The following TCF3 variants were observed in gnomAD, a reference collection of about 807,000 sequenced individuals.
TCF3 encodes transcription factor 3, also known as transcription factor E2-alpha.
In TCF3, 54 loss-of-function variants were observed where a neutral mutation model predicts 72.3. The observed-to-expected ratio is 0.75, with a 90% CI of 0.60 to 0.94. TCF3 has a LOEUF of 0.94. TCF3 is among the 40% of genes least tolerant of loss of function. The pLI, the probability that TCF3 is intolerant of heterozygous loss-of-function variation, is 0.00. For missense variants in TCF3, 1,078 were observed against 934.4 expected (o/e 1.15, Z -2.00); for synonymous variants, 525 against 412.6 (o/e 1.27, Z -3.30).
chr19:1,641,939 C>G (rs1432554321), intron 3 of TCF3, among the ~76,000 whole-genome samples: 4 of 151,792 alleles, frequency 2.6e-5, no homozygotes, highest in Non-Finnish European at 5.9e-5. Context: ...CAGCTGCTCA[C>G]AAGGCTGAGG....
intron 1 of TCF3, among the ~76,000 whole-genome samples, chr19:1,651,794 C>G: frequency 6.6e-6 from 1 of 151,752 alleles, no homozygotes; most frequent in Non-Finnish European, 1.5e-5. Context: ...AGATGTTACC[C>G]GCGCGCCCCC....
rs1488005407 is a variant in TCF3 at position 1,612,368 on chromosome 19, T to C, written c.1823-519A>G. On this transcript the variant is annotated intron_variant, in intron 18 of 18. Coordinates refer to ENST00000262965, the MANE Select transcript of TCF3 (RefSeq NM_003200.5). The stretch of plus-strand genomic sequence containing the variant: ...CACGCGCACCCGCTCCCGCGCGTTA[T>C]TGGCCATGCGCCTCTCCCGGTCCCT... The C allele has an allele frequency of 2.5e-6, 4 of 1,613,846 alleles. No homozygotes were observed. The South Asian group carries it at 4.4e-5, about 18-fold the overall frequency.
In TCF3 at chr19:1,622,519, C is replaced by T. The variant is rs976283656; in HGVS notation, c.550-104G>A. 6 of 611,396 alleles carry T rather than the reference C, an allele frequency of 9.8e-6. No individual in the cohort carries two copies. In the East Asian group the frequency reaches 1.9e-4, roughly 19 times the overall value. 37.9% of individuals were successfully genotyped at this position (611,396 alleles called of 1,614,324 possible). A position where few individuals can be genotyped will look rare whatever the true frequency, so the allele number is the denominator to read the frequency against. On this transcript the variant is annotated intron_variant, in intron 8 of 18. Coordinates refer to ENST00000262965, the MANE Select transcript of TCF3 (RefSeq NM_003200.5). Reference sequence around the variant, plus strand: ...TCCCCTCCTGGTAGCACATCTACCACCCCGTTTCCCTTCCCTGTAAAGCCA... The same window carrying T: ...TCCCCTCCTGGTAGCACATCTACCATCCCGTTTCCCTTCCCTGTAAAGCCA...
chr19:1,646,074 C>A (rs900087142), intron 3 of TCF3, among the ~76,000 whole-genome samples: 1 of 152,090 alleles, frequency 6.6e-6, no homozygotes, highest in Non-Finnish European at 1.5e-5. Context: ...TCCAACCCTG[C>A]GCCTAAAAAC....
At chr19:1,647,302 C>G in intron 2 of TCF3, among the ~76,000 whole-genome samples, 1 of 152,352 alleles carries the variant, frequency 6.6e-6, no homozygotes, top group Non-Finnish European at 1.5e-5. Flanking sequence ...CCCCAAGGGG[C>G]TGCGTTTTAA....
At chr19:1,632,505 G>A (rs1417668149) in intron 3 of TCF3, 100 bp from the exon 4 acceptor site, 14 of 1,315,628 alleles carry the variant, frequency 1.1e-5, no homozygotes, top group South Asian at 2.7e-5. Context: ...TGGACCCGGG[G>A]GGCTTGTGGA....
chr19:1,632,161 GCCCCCCCTCCA>G, intron 4 of TCF3, 45 bp from the exon 5 acceptor site: 8 of 1,595,180 alleles, frequency 5.0e-6, no homozygotes, highest in Non-Finnish European at 6.8e-6. Context: ...GGCTTCACAG[GCCCCCCCTCCA>G]CCCCGCATTA....
chr19:1,630,147 C>G (rs10427044), intron 5 of TCF3, among the ~76,000 whole-genome samples: 421 of 152,308 alleles, frequency 2.8e-3, no homozygotes, highest in African/African-American at 9.6e-3. Context: ...GAACTGCCCA[C>G]GTCAGCCCTG....
chr19:1,625,808 G>A (rs772615331), intron 6 of TCF3, 100 bp from the exon 7 acceptor site: 20 of 1,353,336 alleles, frequency 1.5e-5, no homozygotes, highest in African/African-American at 4.6e-5. Context: ...ACTCAGACCC[G>A]CCCTGCAGTG....
chr19:1,631,664 T>G lies in TCF3; in HGVS notation c.298+374A>C, dbSNP rs891874811. On this transcript the variant is annotated intron_variant, in intron 5 of 18. Transcript: ENST00000262965. Reference sequence around the variant, plus strand: ...GGCATGGGCTCTGACCACCGCACACTCTGGCCGCCCTCCCGAGTCTCCAGA... The same window carrying G: ...GGCATGGGCTCTGACCACCGCACACGCTGGCCGCCCTCCCGAGTCTCCAGA... Among the ~76,000 whole-genome samples the G allele has an allele frequency of 2.6e-5, 4 of 152,168 alleles. No homozygotes were observed. In the South Asian group the frequency reaches 8.3e-4, roughly 32 times the overall value.
chr19:1,642,157 C>CGCACGCGT (rs1476439471), intron 3 of TCF3, among the ~76,000 whole-genome samples: 15 of 151,690 alleles, frequency 9.9e-5, no homozygotes, highest in Non-Finnish European at 1.6e-4. Context: ...CACACACACA[C>CGCACGCGT]ACACACACGC....
chr19:1,618,968 A>G (rs2061848823), intron 16 of TCF3, 143 bp downstream of exon 16: 5 of 1,371,924 alleles, frequency 3.6e-6, no homozygotes, highest in Admixed American at 2.2e-5. Context: ...ACCCTCCTGA[A>G]GTTGCTGACT....
At position 1,609,763 on chromosome 19, in the gene TCF3, T is replaced by C. The variant is rs1026870806; in HGVS notation, c.*1944A>G. The C allele has an allele frequency of 4.4e-6, 1 of 229,602 alleles. No individual in the cohort carries two copies. Among genetic ancestry groups the C allele is most frequent in the East Asian group, 6.2e-5 (1 of 16,166 alleles). 14.2% of individuals were successfully genotyped at this position (229,602 alleles called of 1,614,324 possible). A position where few individuals can be genotyped will look rare whatever the true frequency, so the allele number is the denominator to read the frequency against. ...GCAGATACCAGGCATTGAGCTGGCCTTGAGGTTTCCCTTGCATCTACCATG... is the reference window on the plus strand; with the variant it reads ...GCAGATACCAGGCATTGAGCTGGCCCTGAGGTTTCCCTTGCATCTACCATG... On this transcript the variant is annotated 3_prime_UTR_variant, in exon 19 of 19. Coordinates refer to ENST00000262965, the MANE Select transcript of TCF3 (RefSeq NM_003200.5).
intron 8 of TCF3, among the ~76,000 whole-genome samples, chr19:1,622,908 G>A (rs2062421921): frequency 6.6e-6 from 1 of 152,186 alleles, no homozygotes; most frequent in South Asian, 2.1e-4. Context: ...GGCACTGCCT[G>A]GACTGTGGGG....
intron 11 of TCF3, 144 bp from the exon 12 acceptor site, chr19:1,621,335 C>T: frequency 6.8e-6 from 7 of 1,034,702 alleles, no homozygotes; most frequent in Non-Finnish European, 9.6e-6. Context: ...TGTCTGACCC[C>T]CTGAAACCAG....
At chr19:1,633,281 T>C (rs1357105066) in intron 3 of TCF3, among the ~76,000 whole-genome samples, 1 of 152,192 alleles carries the variant, frequency 6.6e-6, no homozygotes, top group Non-Finnish European at 1.5e-5. Flanking sequence ...GTTGCTGCCC[T>C]GCCTTGGTTT....
In TCF3 at chr19:1,619,206, A is replaced by C; in HGVS notation, c.1355T>G (p.Leu452Arg). The change falls in exon 16 of 19, where the codon CTC becomes CGC. Residue 452 changes from leucine (L) to arginine (R), a missense_variant. Physicochemically the swap from Leu to Arg is moderately radical, Grantham distance 102. Transcript: ENST00000262965. ...LVGGSHPEDG[L>R]AGSTSLMHNH... ...GTGCATGAGGCTGGTGCTGCCTGCG[A>C]GGCCGTCCTCGGGGTGGCTGCCTCC... 1 of 1,598,976 alleles carries C rather than the reference A, an allele frequency of 6.3e-7. No homozygotes were observed. The highest frequency in any genetic ancestry group is 1.3e-5 in the African/African-American group (1 of 74,998).
At chr19:1,630,346 C>T (rs780179945) in intron 5 of TCF3, among the ~76,000 whole-genome samples, 1 of 152,208 alleles carries the variant, frequency 6.6e-6, no homozygotes, top group Non-Finnish European at 1.5e-5. Flanking sequence ...CCCGCCAGAC[C>T]TTCACGCTAT....
At chr19:1,642,162 A>ACACG (rs1246193438) in intron 3 of TCF3, among the ~76,000 whole-genome samples, 5 of 146,670 alleles carry the variant, frequency 3.4e-5, no homozygotes, top group African/African-American at 5.0e-5. Flanking sequence ...ACACACACAC[A>ACACG]CACGCACGCG....
Sources: allele counts gnomAD v4.1 joint callset (sites outside exome capture counted in the v4.1 genomes callset), GRCh38; gene constraint gnomAD v4.1.1; transcripts MANE v1.5; gene names NCBI Gene and HGNC (gene_info 2026-07-23, HGNC 2026-07-21).